PRRG3: variants seen among roughly 807,000 people sequenced by gnomAD.
PRRG3 encodes the protein transmembrane gamma-carboxyglutamic acid protein 3.
In PRRG3, 21 loss-of-function variants were observed where a neutral mutation model predicts 15.8. The observed-to-expected ratio is 1.33, with a 90% CI of 0.94 to 1.92. The LOEUF (loss-of-function observed/expected upper bound fraction) is 1.92, where lower values mean the gene tolerates loss of function less well. Among genes scored for constraint, PRRG3 ranks in the 40% most tolerant of loss-of-function variants. The pLI, the probability that PRRG3 is intolerant of heterozygous loss-of-function variation, is 0.00. For synonymous variants in PRRG3, 125 were observed against 84.1 expected, an observed-to-expected ratio of 1.49 and a Z score of -2.66; for missense variants, 251 against 200.2, an observed-to-expected ratio of 1.25 and a Z score of -1.53.
rs1264994278 is a variant in PRRG3, at chrX:151,700,815, G to A, written c.478G>A (p.Gly160Arg). Residue 160 changes from glycine (G) to arginine (R), a missense_variant, in exon 4 of 4, where the codon GGG (glycine) becomes AGG (arginine). Gly to Arg is a moderately radical substitution (Grantham distance 125). Coordinates refer to ENST00000674457, the MANE Select transcript of PRRG3 (RefSeq NM_001372163.1). ...AGCGAACAGCCCCCAGGTGGTGCTGGGGCCCAGTCGGGGGGGCAGGACCAC... is the reference window on the plus strand; with the variant it reads ...AGCGAACAGCCCCCAGGTGGTGCTGAGGCCCAGTCGGGGGGGCAGGACCAC... ...EAANSPQVVL[G>R]PSRGGRTTVR... 1 of 1,190,037 alleles carries A rather than the reference G, an allele frequency of 8.4e-7. No homozygotes were observed. Among genetic ancestry groups the A allele is most frequent in the Non-Finnish European group, 1.1e-6 (1 of 883,003 alleles).
upstream of PRRG3, chrX:151,695,335 C>T (rs2014738843): frequency 9.1e-6 from 1 of 109,718 alleles, no homozygotes. Context: ...CGCACTTCGG[C>T]CCTGGAGGGG....
rs760855406 is a variant in PRRG3 at position 151,703,277 on chromosome X, T to G, written c.*2244T>G. The G allele has an allele frequency of 8.9e-6, 1 of 112,102 alleles. No individual in the cohort carries two copies. Among genetic ancestry groups the G allele is most frequent in the East Asian group, 2.8e-4 (1 of 3,566 alleles). 9.2% of individuals were successfully genotyped at this position (112,102 alleles called of 1,213,427 possible). A position where few individuals can be genotyped will look rare whatever the true frequency, so the allele number is the denominator to read the frequency against. On this transcript the variant is annotated 3_prime_UTR_variant, in exon 4 of 4. Coordinates refer to ENST00000674457, the MANE Select transcript of PRRG3 (RefSeq NM_001372163.1). ...GGTTGCACCACGGTCTCTGGGATGG[T>G]TTCTGCAGCACATTGTAGAAAAAAG... is the stretch of plus-strand genomic sequence containing the variant.
rs1428851879 is a variant in PRRG3, at chrX:151,702,338, T to C, written c.*1305T>C. On this transcript the variant is annotated 3_prime_UTR_variant, in exon 4 of 4. Coordinates refer to ENST00000674457, the MANE Select transcript of PRRG3 (RefSeq NM_001372163.1). ...AGGCAGACATTGGGACTCATTTCCT[T>C]GAATGCAGCCCTGCCTTCAGGCCAC... The C allele has an allele frequency of 1.8e-5, 2 of 112,448 alleles. No individual in the cohort carries two copies. Among genetic ancestry groups the C allele is most frequent in the African/African-American group, 6.5e-5 (2 of 30,934 alleles). 9.3% of individuals were successfully genotyped at this position (112,448 alleles called of 1,213,427 possible).
chrX:151,699,888 C>T (rs770011268), intron 2 of PRRG3, 108 bp from the exon 3 acceptor site: 12 of 830,608 alleles, frequency 1.4e-5, no homozygotes, highest in African/African-American at 1.0e-4. Flanking sequence ...CCTGCTCACT[C>T]GGCCTTGTTT....
Position 151,702,876 on chromosome X carries a change from T to A in PRRG3, c.*1843T>A, listed in dbSNP as rs2014908682. On this transcript the variant is annotated 3_prime_UTR_variant, in exon 4 of 4. Transcript: ENST00000674457. ...TTAAGAGGCCCCTGCTTTTTCCATG[T>A]TGGGGGACCTGGGGAAGCCTGAAGC... 1 of 112,481 alleles carries A rather than the reference T, an allele frequency of 8.9e-6. No individual in the cohort carries two copies. Among genetic ancestry groups the A allele is most frequent in the Admixed American group, 9.3e-5 (1 of 10,714 alleles). 9.3% of individuals were successfully genotyped at this position (112,481 alleles called of 1,213,427 possible). A position where few individuals can be genotyped will look rare whatever the true frequency, so the allele number is the denominator to read the frequency against.
chrX:151,697,981 C>A (rs1441616614), intron 1 of PRRG3, among the ~76,000 whole-genome samples: 5 of 110,781 alleles, frequency 4.5e-5, no homozygotes, highest in African/African-American at 1.6e-4. Flanking sequence ...CATGTCTTGG[C>A]ACTCTACTGC....
Position 151,700,668 on chromosome X carries a change from C to T in PRRG3, c.331C>T (p.His111Tyr). 1 of 1,211,576 alleles carries T rather than the reference C, an allele frequency of 8.3e-7. No individual in the cohort carries two copies. Among genetic ancestry groups the T allele is most frequent in the Non-Finnish European group, 1.1e-6 (1 of 895,385 alleles). ...WRCQLQKATR[H>Y]HPSYAQNRYL... ...GTGCCAGCTGCAGAAAGCGACCCGT[C>T]ACCACCCCTCCTATGCTCAGAACCG... The change falls in exon 4 of 4, where the codon CAC becomes TAC. Residue 111 changes from histidine (H) to tyrosine (Y), a missense_variant. His to Tyr is a moderately conservative substitution (Grantham distance 83). Transcript: ENST00000674457.
chrX:151,700,646 C>G lies in PRRG3; in HGVS notation c.309C>G (p.Cys103Trp). The stretch of plus-strand genomic sequence containing the variant: ...TCGCCTTGTTCATCATCTGGAGGTG[C>G]CAGCTGCAGAAAGCGACCCGTCACC... ...IVIALFIIWR[C>W]QLQKATRHHP... The change falls in exon 4 of 4, where the codon TGC (cysteine) becomes TGG (tryptophan). Residue 103 changes from cysteine to tryptophan, a missense_variant. Transcript: ENST00000674457. The G allele has an allele frequency of 8.3e-7, 1 of 1,211,515 alleles. No individual in the cohort carries two copies. Among genetic ancestry groups the G allele is most frequent in the Non-Finnish European group, 1.1e-6 (1 of 895,349 alleles).
chrX:151,701,200 G>T lies in PRRG3; in HGVS notation c.*167G>T. On this transcript the variant is annotated 3_prime_UTR_variant, in exon 4 of 4. Coordinates refer to ENST00000674457, the MANE Select transcript of PRRG3 (RefSeq NM_001372163.1). ...AAGTCAGTTGTCAGAGACAGGTGGG[G>T]AGGGTGGGGGTAGGGACCACGCATG... 2.3e-6 allele frequency: 1 copy of T among 444,186 alleles called. No homozygotes were observed. The highest frequency in any genetic ancestry group is 3.4e-6 in the Non-Finnish European group (1 of 292,832). The allele number at this position is 444,186 out of a possible 1,213,427, so 36.6% of individuals were successfully genotyped here.
Position 151,701,225 on chromosome X carries a change from G to T in PRRG3, c.*192G>T. 1 of 356,543 alleles carries T rather than the reference G, an allele frequency of 2.8e-6. No individual in the cohort carries two copies. Among genetic ancestry groups the T allele is most frequent in the Non-Finnish European group, 4.6e-6 (1 of 217,885 alleles). 29.4% of individuals were successfully genotyped at this position (356,543 alleles called of 1,213,427 possible). On this transcript the variant is annotated 3_prime_UTR_variant, in exon 4 of 4. Coordinates refer to ENST00000674457, the MANE Select transcript of PRRG3 (RefSeq NM_001372163.1). Reference sequence around the variant, plus strand: ...GAGGGTGGGGGTAGGGACCACGCATGAGTCGAAGCCCCCGGGAAGAGCCAA... The same window carrying T: ...GAGGGTGGGGGTAGGGACCACGCATTAGTCGAAGCCCCCGGGAAGAGCCAA...
In PRRG3 at chrX:151,703,897, T is replaced by G. The variant is rs1298582495; in HGVS notation, c.*2864T>G. ...TTTTTTTTTTTTTTTTTTTTTTTTT[T>G]TTTTTTTTTTTTTTTTGTGTGTGTG... On this transcript the variant is annotated 3_prime_UTR_variant, in exon 4 of 4. Transcript: ENST00000674457. 1.2e-4 allele frequency: 5 copies of G among 41,966 alleles called. No individual in the cohort carries two copies. Among genetic ancestry groups the G allele is most frequent in the African/African-American group, 5.4e-4 (5 of 9,175 alleles). The allele number at this position is 41,966 out of a possible 1,213,427, so 3.5% of individuals were successfully genotyped here.
rs934120619 is a variant in PRRG3, at chrX:151,704,758, G to C, written c.*3725G>C. ...TCCATTTCAGGACTTCATCGATTCC[G>C]AAACAAGCACAGCCCCCCACCCCCC... On this transcript the variant is annotated 3_prime_UTR_variant, in exon 4 of 4. Coordinates refer to ENST00000674457, the MANE Select transcript of PRRG3 (RefSeq NM_001372163.1). 1 of 110,775 alleles carries C rather than the reference G, an allele frequency of 9.0e-6. No individual in the cohort carries two copies. The highest frequency in any genetic ancestry group is 1.9e-5 in the Non-Finnish European group (1 of 53,208). The allele number at this position is 110,775 out of a possible 1,213,427, so 9.1% of individuals were successfully genotyped here. A position where few individuals can be genotyped will look rare whatever the true frequency, so the allele number is the denominator to read the frequency against.
rs895042335 is a variant in PRRG3 at position 151,700,818 on chromosome X, C to T, written c.481C>T (p.Pro161Ser). ...AANSPQVVLG[P>S]SRGGRTTVRL... is the part of the protein sequence containing the mutation. The stretch of plus-strand genomic sequence containing the variant: ...GAACAGCCCCCAGGTGGTGCTGGGG[C>T]CCAGTCGGGGGGGCAGGACCACAGT... The change falls in exon 4 of 4, where the codon CCC (proline) becomes TCC (serine). Residue 161 changes from proline (P) to serine (S), a missense_variant. Physicochemically the swap from Pro to Ser is moderately conservative, Grantham distance 74 (BLOSUM62 -1). Coordinates refer to ENST00000674457, the MANE Select transcript of PRRG3 (RefSeq NM_001372163.1). 8.4e-7 allele frequency: 1 copy of T among 1,190,918 alleles called. No individual in the cohort carries two copies. Among genetic ancestry groups the T allele is most frequent in the Non-Finnish European group, 1.1e-6 (1 of 883,309 alleles).
intron 1 of PRRG3, among the ~76,000 whole-genome samples, chrX:151,696,382 T>G (rs2014760732): frequency 9.1e-6 from 1 of 109,406 alleles, no homozygotes; most frequent in Non-Finnish European, 1.9e-5. Context: ...GCTAATGGAG[T>G]GGGCCATGCC....
chrX:151,701,135 T>A lies in PRRG3; in HGVS notation c.*102T>A. On this transcript the variant is annotated 3_prime_UTR_variant, in exon 4 of 4. Transcript: ENST00000674457. ...GTGCCACCACAAAACAGCCTTAGCC[T>A]CCTTGTTGCCAAATAATTCCCTAAC... 1 of 766,187 alleles carries A rather than the reference T, an allele frequency of 1.3e-6. No homozygotes were observed. Among genetic ancestry groups the A allele is most frequent in the Admixed American group, 4.0e-5 (1 of 25,046 alleles). The allele number at this position is 766,187 out of a possible 1,213,427, so 63.1% of individuals were successfully genotyped here.
chrX:151,701,009 C>T lies in PRRG3; in HGVS notation c.672C>T (p.Ala224=), dbSNP rs376614111. ...CCCCAAAGTACGAGGAGATAGTGGC[C>T]GCCAACCCTGGCGCTGACAAGTAGT... is the stretch of plus-strand genomic sequence containing the variant. ...DPPPKYEEIV[A]ANPGADK The change falls in exon 4 of 4, where the codon GCC becomes GCT. Residue 224 remains alanine, a synonymous_variant. Transcript: ENST00000674457. The T allele has an allele frequency of 5.1e-5, 59 of 1,157,447 alleles. No individual in the cohort carries two copies. The highest frequency in any genetic ancestry group is 1.2e-4 in the East Asian group (4 of 33,197).
chrX:151,698,781 C>T lies in PRRG3; in HGVS notation c.-31-3C>T, dbSNP rs755982487. The stretch of plus-strand genomic sequence containing the variant: ...CTGCAACTTTGCTTTTCTCTTACTC[C>T]AGAGAAGTGAGACCCTGCAGCTGAG... On this transcript the variant is annotated splice_region_variant and splice_polypyrimidine_tract_variant and intron_variant, in intron 1 of 3. Coordinates refer to ENST00000674457, the MANE Select transcript of PRRG3 (RefSeq NM_001372163.1). The T allele has an allele frequency of 1.2e-5, 14 of 1,199,428 alleles. 1 individual carries two copies. In the South Asian group the frequency reaches 2.5e-4, roughly 22 times the overall value.
At chrX:151,696,951 T>C (rs1202855403) in intron 1 of PRRG3, among the ~76,000 whole-genome samples, 3 of 111,453 alleles carry the variant, frequency 2.7e-5, no homozygotes, top group Non-Finnish European at 5.7e-5. Flanking sequence ...AGATCTGCTG[T>C]TTTACCTTTA....
At position 151,704,811 on chromosome X, in the gene PRRG3, C is replaced by T. The variant is rs2124348143; in HGVS notation, c.*3778C>T. 1 of 110,317 alleles carries T rather than the reference C, an allele frequency of 9.1e-6. No homozygotes were observed. The highest frequency in any genetic ancestry group is 2.8e-4 in the East Asian group (1 of 3,531). 9.1% of individuals were successfully genotyped at this position (110,317 alleles called of 1,213,427 possible). On this transcript the variant is annotated 3_prime_UTR_variant, in exon 4 of 4. Transcript: ENST00000674457. ...CACGGAACTCTACTAATACTAATCA[C>T]TATAATTAGCTAATTTAAAAGTACG...
Sources: gnomAD v4.1 joint callset for allele counts (sites outside exome capture counted in the v4.1 genomes callset) on GRCh38, gnomAD v4.1.1 for gene constraint, MANE v1.5 for transcripts, NCBI Gene and HGNC (gene_info 2026-07-23, HGNC 2026-07-21) for gene names.